EBF1: variants seen among roughly 807,000 people sequenced by gnomAD.
EBF1 encodes transcription factor COE1.
In EBF1, 10 loss-of-function variants were observed where a neutral mutation model predicts 68.4. The observed-to-expected ratio is 0.15, with a 90% confidence interval of 0.09 to 0.25. The LOEUF (loss-of-function observed/expected upper bound fraction) is 0.25. Ranked by LOEUF, EBF1 falls within the 10% of genes least tolerant of loss-of-function variation. The probability of loss-of-function intolerance (pLI) is 1.00; values close to 1 mark genes in which losing one functional copy is unlikely to be tolerated. For synonymous variants in EBF1, 298 were observed against 299.8 expected (o/e 0.99, Z 0.06); for missense variants, 509 against 794.4 (o/e 0.64, Z 4.32).
At chr5:158,789,476 T>C (rs538719239) in intron 9 of EBF1, among the ~76,000 whole-genome samples, 13 of 152,282 alleles carry the variant, frequency 8.5e-5, no homozygotes, top group African/African-American at 3.1e-4. Context: ...CAATTATGTA[T>C]AAAATTTAGG....
intron 8 of EBF1, among the ~76,000 whole-genome samples, chr5:158,815,093 A>C (rs77822518): frequency 6.6e-6 from 1 of 152,208 alleles, no homozygotes. Flanking sequence ...GTAACAGAGC[A>C]GTAGATTAGA....
At chr5:159,087,323 C>T (rs1034544941) in intron 4 of EBF1, among the ~76,000 whole-genome samples, 3 of 141,458 alleles carry the variant, frequency 2.1e-5, no homozygotes, top group African/African-American at 8.2e-5. Context: ...CATATATATA[C>T]ACATATATAT....
intron 6 of EBF1, among the ~76,000 whole-genome samples, chr5:159,004,677 A>G (rs557414954): frequency 6.6e-6 from 1 of 152,282 alleles, no homozygotes; most frequent in Non-Finnish European, 1.5e-5. Flanking sequence ...TTTCCCTACT[A>G]GCTGCCAAGT....
chr5:158,823,276 C>T lies in EBF1; in HGVS notation c.678G>A (p.Leu226=), dbSNP rs1785263007. ...GGACAAACATGTTATCAGAGACTGC[C>T]AGGACATGGCCATCCACATTGACTG... ...STTVNVDGHV[L]AVSDNMFVHN... Residue 226 remains leucine (L), a synonymous_variant, in exon 8 of 16, where the codon CTG becomes CTA. Coordinates refer to ENST00000313708, the MANE Select transcript of EBF1 (RefSeq NM_024007.5). 1 of 1,613,864 alleles carries T rather than the reference C, an allele frequency of 6.2e-7. No homozygotes were observed. Among genetic ancestry groups the T allele is most frequent in the African/African-American group, 1.3e-5 (1 of 75,020 alleles).
chr5:158,857,442 T>C (rs1794248568), intron 6 of EBF1, among the ~76,000 whole-genome samples: 1 of 152,134 alleles, frequency 6.6e-6, no homozygotes, highest in African/African-American at 2.4e-5. Context: ...CACAATGACA[T>C]AAATGTTTGT....
chr5:158,917,585 A>G (rs368560942), intron 6 of EBF1, among the ~76,000 whole-genome samples: 2 of 152,352 alleles, frequency 1.3e-5, no homozygotes, highest in African/African-American at 4.8e-5. Flanking sequence ...GTTAGGAAAG[A>G]AAAACCGTAA....
At chr5:158,873,600 A>G (rs1797277642) in intron 6 of EBF1, among the ~76,000 whole-genome samples, 2 of 152,250 alleles carry the variant, frequency 1.3e-5, no homozygotes, top group South Asian at 4.1e-4. Context: ...AAAGCAACAT[A>G]ATTAAAAGTG....
chr5:158,810,537 C>T (rs1782460973), intron 8 of EBF1, among the ~76,000 whole-genome samples: 1 of 152,136 alleles, frequency 6.6e-6, no homozygotes, highest in Admixed American at 6.5e-5. Flanking sequence ...TCAAATCTGA[C>T]ACTGTCTGTG....
intron 10 of EBF1, among the ~76,000 whole-genome samples, chr5:158,751,335 G>C (rs574049171): frequency 8.6e-5 from 13 of 151,700 alleles, no homozygotes; most frequent in African/African-American, 2.7e-4. Flanking sequence ...CACATGTTGC[G>C]TTTGCCCCTG....
At chr5:158,886,885 C>T (rs1468723689) in intron 6 of EBF1, among the ~76,000 whole-genome samples, 2 of 152,062 alleles carry the variant, frequency 1.3e-5, no homozygotes, top group Non-Finnish European at 2.9e-5. Flanking sequence ...ACGTGTAATC[C>T]CAGCTACTCA....
At chr5:158,962,944 A>G (rs1027382779) in intron 6 of EBF1, among the ~76,000 whole-genome samples, 2 of 152,222 alleles carry the variant, frequency 1.3e-5, no homozygotes, top group Admixed American at 6.5e-5. Context: ...TGTACCTCCT[A>G]TAACACTGCC....
intron 11 of EBF1, among the ~76,000 whole-genome samples, chr5:158,715,777 C>T (rs898040546): frequency 1.3e-5 from 2 of 152,192 alleles, no homozygotes; most frequent in African/African-American, 4.8e-5. Context: ...ACACTAAACC[C>T]TATCCCCAGA....
intron 9 of EBF1, among the ~76,000 whole-genome samples, chr5:158,791,127 T>G (rs1224307621): frequency 4.6e-5 from 7 of 151,922 alleles, no homozygotes; most frequent in South Asian, 2.1e-4. Flanking sequence ...GAGACCAGCC[T>G]GGCCAACACG....
At chr5:158,760,788 A>G (rs1561849093) in intron 10 of EBF1, among the ~76,000 whole-genome samples, 1 of 152,100 alleles carries the variant, frequency 6.6e-6, no homozygotes, top group African/African-American at 2.4e-5. Flanking sequence ...ATTATAGATG[A>G]GTTGTGTTAT....
intron 6 of EBF1, among the ~76,000 whole-genome samples, chr5:158,859,559 C>T (rs1195345496): frequency 6.6e-6 from 1 of 152,186 alleles, no homozygotes; most frequent in African/African-American, 2.4e-5. Context: ...TGAGGCTTTG[C>T]TGAACCTCAC....
chr5:158,757,596 C>G (rs1470116738), intron 10 of EBF1, among the ~76,000 whole-genome samples: 1 of 152,126 alleles, frequency 6.6e-6, no homozygotes. Context: ...TACTGAAGAT[C>G]ATGTTATACG....
intron 6 of EBF1, among the ~76,000 whole-genome samples, chr5:159,024,444 C>T (rs781391779): frequency 2.0e-5 from 3 of 152,180 alleles, no homozygotes; most frequent in African/African-American, 2.4e-5. Context: ...ACAGTCCTAT[C>T]GAAAACCAAA....
At chr5:159,091,738 A>C (rs909090708) in intron 4 of EBF1, among the ~76,000 whole-genome samples, 2 of 152,188 alleles carry the variant, frequency 1.3e-5, no homozygotes, top group African/African-American at 4.8e-5. Context: ...GATCAAAACA[A>C]ATATATCAAG....
chr5:158,719,447 AGACATAGT>A (rs1342402378), intron 11 of EBF1, among the ~76,000 whole-genome samples: 8 of 152,190 alleles, frequency 5.3e-5, no homozygotes, highest in Admixed American at 4.6e-4. Flanking sequence ...ACAAATATGC[AGACATAGT>A]TAACTCATCT....
Sources: allele counts gnomAD v4.1 joint callset (sites outside exome capture counted in the v4.1 genomes callset), GRCh38; gene constraint gnomAD v4.1.1; transcripts MANE v1.5; gene names NCBI Gene and HGNC (gene_info 2026-07-23, HGNC 2026-07-21).